The following FRAS1 variants were observed in gnomAD, a reference collection of about 807,000 sequenced individuals.
FRAS1 encodes the protein Fraser extracellular matrix complex subunit 1, also known as extracellular matrix organizing protein FRAS1.
FRAS1 carries 290 observed loss-of-function variants against 435.2 expected under a neutral mutation model. The ratio of observed to expected loss-of-function variants is 0.67; its 90% CI spans 0.61 to 0.73. The LOEUF (loss-of-function observed/expected upper bound fraction) is 0.73, where lower values mean the gene tolerates loss of function less well. Ranked by LOEUF, FRAS1 falls within the 30% of genes least tolerant of loss-of-function variation. The pLI is 0.00. For synonymous variants in FRAS1, 1,800 were observed against 1,851.0 expected (o/e 0.97, Z 0.71); for missense variants, 4,860 against 5,001.5 (o/e 0.97, Z 0.85).
At chr4:78,361,874 A>G (rs1406646255) in intron 20 of FRAS1, among the ~76,000 whole-genome samples, 2 of 152,036 alleles carry the variant, frequency 1.3e-5, no homozygotes, top group South Asian at 2.1e-4. Context: ...TCTTTTCTAG[A>G]TCTTACTCCT....
chr4:78,495,172 A>G (rs1720476533), intron 59 of FRAS1, among the ~76,000 whole-genome samples: 1 of 151,858 alleles, frequency 6.6e-6, no homozygotes, highest in Non-Finnish European at 1.5e-5. Context: ...GTTATCTTTT[A>G]CTCACTGATT....
At chr4:78,272,928 A>G (rs1726786744) in intron 9 of FRAS1, among the ~76,000 whole-genome samples, 1 of 152,072 alleles carries the variant, frequency 6.6e-6, no homozygotes, top group Non-Finnish European at 1.5e-5. Context: ...CATGATGTTG[A>G]TTCTTCCTAT....
intron 2 of FRAS1, among the ~76,000 whole-genome samples, chr4:78,183,037 A>C (rs1466766588): frequency 1.3e-5 from 2 of 152,166 alleles, no homozygotes; most frequent in African/African-American, 4.8e-5. Context: ...AAGAGATAGA[A>C]GGAGCAGCTT....
intron 38 of FRAS1, among the ~76,000 whole-genome samples, chr4:78,436,022 G>A (rs1177125015): frequency 6.6e-6 from 1 of 151,980 alleles, no homozygotes; most frequent in Non-Finnish European, 1.5e-5. Context: ...ATAAAAGATT[G>A]GTAAATTTGA....
chr4:78,258,921 T>C (rs1465641437), intron 6 of FRAS1, among the ~76,000 whole-genome samples: 1 of 125,494 alleles, frequency 8.0e-6, no homozygotes, highest in African/African-American at 2.9e-5. Context: ...GTGTTCTCAT[T>C]GTTCAATTCC....
intron 22 of FRAS1, among the ~76,000 whole-genome samples, chr4:78,367,084 C>T (rs345542): frequency 6.6e-6 from 1 of 152,012 alleles, no homozygotes; most frequent in Non-Finnish European, 1.5e-5. Context: ...GTATACATCA[C>T]GGTTCCACGG....
intron 2 of FRAS1, among the ~76,000 whole-genome samples, chr4:78,195,661 G>A (rs904949934): frequency 2.0e-5 from 3 of 152,150 alleles, no homozygotes; most frequent in African/African-American, 7.2e-5. Context: ...TTTTCCAGGT[G>A]CTGTCTTGTC....
At chr4:78,245,078 C>T (rs1721280334) in intron 3 of FRAS1, among the ~76,000 whole-genome samples, 155 bp from the exon 4 acceptor site, 2 of 152,096 alleles carry the variant, frequency 1.3e-5, no homozygotes, top group Admixed American at 6.6e-5. Flanking sequence ...GGACACAGAA[C>T]CTTTTTTTCA....
intron 2 of FRAS1, among the ~76,000 whole-genome samples, chr4:78,082,118 TTAGGA>T (rs1740923952): frequency 6.6e-6 from 1 of 152,150 alleles, no homozygotes; most frequent in Non-Finnish European, 1.5e-5. Flanking sequence ...AAATGACACT[TTAGGA>T]TAGAACTATG....
intron 9 of FRAS1, among the ~76,000 whole-genome samples, chr4:78,276,697 C>T (rs990962418): frequency 5.9e-5 from 9 of 152,188 alleles, no homozygotes; most frequent in African/African-American, 9.7e-5. Flanking sequence ...GAGGGGCACC[C>T]GGCCGTGTGA....
At chr4:78,214,048 T>C (rs139424100) in intron 2 of FRAS1, among the ~76,000 whole-genome samples, 1 of 152,292 alleles carries the variant, frequency 6.6e-6, no homozygotes, top group East Asian at 1.9e-4. Context: ...GGGAAAGTAG[T>C]TGGTTCTGGG....
At chr4:78,196,345 G>A (rs932335419) in intron 2 of FRAS1, among the ~76,000 whole-genome samples, 3 of 152,106 alleles carry the variant, frequency 2.0e-5, no homozygotes, top group Non-Finnish European at 4.4e-5. Context: ...CTTATTGATT[G>A]TAGTATCTCT....
intron 13 of FRAS1, 52 bp from the exon 14 acceptor site, chr4:78,286,353 T>C: frequency 6.2e-7 from 1 of 1,608,870 alleles, no homozygotes; most frequent in South Asian, 1.1e-5. Flanking sequence ...GGTGGTGTCT[T>C]TCAGCTAATC....
At chr4:78,389,421 C>T (rs1330671808) in intron 29 of FRAS1, among the ~76,000 whole-genome samples, 1 of 151,626 alleles carries the variant, frequency 6.6e-6, no homozygotes, top group East Asian at 1.9e-4. Flanking sequence ...ACAGCTGAAT[C>T]TAATATGATC....
At chr4:78,181,848 C>T (rs1184476866) in intron 2 of FRAS1, 1 of 1,611,970 alleles carries the variant, frequency 6.2e-7, no homozygotes, top group Non-Finnish European at 8.5e-7. Flanking sequence ...AGCTGTTTGC[C>T]TGCCGCGTTG....
chr4:78,500,676 C>G (rs1496587), intron 61 of FRAS1, among the ~76,000 whole-genome samples: 50,058 of 151,948 alleles, frequency 0.33, 8,995 homozygotes, highest in South Asian at 0.52. Context: ...CCTCAGAAAT[C>G]ATGGGGGTTG....
intron 2 of FRAS1, among the ~76,000 whole-genome samples, chr4:78,113,971 G>C (rs1038305671): frequency 1.3e-5 from 2 of 151,874 alleles, no homozygotes; most frequent in East Asian, 1.9e-4. Flanking sequence ...GGTCTAACAT[G>C]TAAGTCTTTA....
intron 6 of FRAS1, among the ~76,000 whole-genome samples, chr4:78,259,751 C>A (rs1725983393): frequency 7.0e-6 from 1 of 143,270 alleles, no homozygotes; most frequent in Non-Finnish European, 1.5e-5. Context: ...GTTGCCGTTG[C>A]TTTTAGTGTT....
At chr4:78,305,032 A>C (rs7675501) in intron 14 of FRAS1, among the ~76,000 whole-genome samples, 41,887 of 151,800 alleles carry the variant, frequency 0.28, 6,441 homozygotes, top group Admixed American at 0.35. Flanking sequence ...CACTGCTTTG[A>C]ATGTGTCCCA....
Sources: allele counts gnomAD v4.1 joint callset (sites outside exome capture counted in the v4.1 genomes callset), GRCh38; gene constraint gnomAD v4.1.1; transcripts MANE v1.5; gene names NCBI Gene and HGNC (gene_info 2026-07-23, HGNC 2026-07-21).